The following LARGE1 variants were observed in gnomAD, a reference collection of about 807,000 sequenced individuals.
LARGE1 encodes the protein xylosyl- and glucuronyltransferase LARGE1.
A neutral mutation model predicts 87.6 loss-of-function variants in LARGE1; 43 were observed. The ratio of observed to expected loss-of-function variants is 0.49; its 90% CI spans 0.38 to 0.63. The LOEUF is 0.63. Ranked by LOEUF, LARGE1 falls within the 30% of genes least tolerant of loss-of-function variation. LARGE1 has a pLI of 0.00. For missense variants in LARGE1, 802 were observed against 1,000.2 expected (o/e 0.80, Z 2.67); for synonymous variants, 434 against 394.6 (o/e 1.10, Z -1.18).
chr22:33,862,429 T>C (rs757633887), intron 1 of LARGE1, among the ~76,000 whole-genome samples: 7 of 152,180 alleles, frequency 4.6e-5, no homozygotes, highest in Non-Finnish European at 7.3e-5. Context: ...GGGAAGAGGA[T>C]TGACGGCAGT....
At chr22:33,228,223 A>T (rs920354890) in intron 11 of LARGE1, among the ~76,000 whole-genome samples, 2 of 152,276 alleles carry the variant, frequency 1.3e-5, no homozygotes, top group Admixed American at 6.5e-5. Flanking sequence ...TAAGAGCTCA[A>T]TGAATGTTCT....
intron 11 of LARGE1, among the ~76,000 whole-genome samples, chr22:33,169,722 G>A (rs540647620): frequency 3.3e-5 from 5 of 152,010 alleles, no homozygotes; most frequent in East Asian, 3.9e-4. Context: ...GTGGTGGCAC[G>A]TGCCTGTAGT....
chr22:33,515,602 A>G (rs2071267289), intron 6 of LARGE1, among the ~76,000 whole-genome samples: 1 of 152,190 alleles, frequency 6.6e-6, no homozygotes, highest in South Asian at 2.1e-4. Flanking sequence ...CATCAACAAC[A>G]CATTCAACGA....
intron 1 of LARGE1, among the ~76,000 whole-genome samples, chr22:33,910,620 C>T (rs570933278): frequency 5.7e-4 from 87 of 152,272 alleles, no homozygotes; most frequent in African/African-American, 1.9e-3. Context: ...CTCTGTGTTC[C>T]GCTGTCAAGC....
chr22:33,276,999 G>T, intron 14 of LARGE1, 61 bp downstream of exon 14: 1 of 1,501,934 alleles, frequency 6.7e-7, no homozygotes, highest in South Asian at 1.1e-5. Context: ...GATCCCTTAA[G>T]CTCTAGGATC....
chr22:33,378,281 T>A (rs1383255429), intron 9 of LARGE1, among the ~76,000 whole-genome samples: 2 of 152,210 alleles, frequency 1.3e-5, no homozygotes, highest in Admixed American at 6.5e-5. Context: ...AATATGGGCA[T>A]AGGCTTAAAA....
the LARGE1 span, among the ~76,000 whole-genome samples, chr22:33,135,644 A>G: frequency 1.3e-5 from 2 of 152,144 alleles, no homozygotes; most frequent in South Asian, 4.1e-4. Context: ...GTTTGAGACC[A>G]GCCTGGCCAA....
intron 11 of LARGE1, among the ~76,000 whole-genome samples, chr22:33,211,129 C>A (rs996871888): frequency 6.6e-6 from 1 of 151,940 alleles, no homozygotes; most frequent in African/African-American, 2.4e-5. Context: ...CAGTGATCTG[C>A]GATTTGTGAT....
At chr22:33,150,958 G>T in the LARGE1 span, among the ~76,000 whole-genome samples, 1 of 151,720 alleles carries the variant, frequency 6.6e-6, no homozygotes, top group African/African-American at 2.4e-5. Context: ...ATAAATTTCC[G>T]AATCAGCTTA....
chr22:33,364,525 C>T (rs2064514852), intron 9 of LARGE1, among the ~76,000 whole-genome samples: 1 of 152,172 alleles, frequency 6.6e-6, no homozygotes, highest in Non-Finnish European at 1.5e-5. Context: ...CAGAGGTCAA[C>T]CACTGTCTGA....
chr22:33,315,389 G>A (rs1395583919), intron 11 of LARGE1, among the ~76,000 whole-genome samples: 3 of 152,190 alleles, frequency 2.0e-5, no homozygotes, highest in Non-Finnish European at 4.4e-5. Flanking sequence ...GCCTGGAAAT[G>A]CTTGATGGAT....
intron 2 of LARGE1, among the ~76,000 whole-genome samples, chr22:33,686,339 G>A (rs2081942126): frequency 1.3e-5 from 2 of 151,826 alleles, no homozygotes; most frequent in African/African-American, 4.8e-5. Flanking sequence ...CCAGGGGTTC[G>A]AGACCAGACT....
chr22:33,283,870 A>G (rs941041113), intron 12 of LARGE1, among the ~76,000 whole-genome samples: 4 of 151,984 alleles, frequency 2.6e-5, no homozygotes, highest in African/African-American at 9.7e-5. Context: ...AGAAAGAAAA[A>G]AGAAGGAAAA....
chr22:33,828,264 G>C (rs2062857008), intron 1 of LARGE1, among the ~76,000 whole-genome samples: 1 of 152,198 alleles, frequency 6.6e-6, no homozygotes, highest in Admixed American at 6.5e-5. Flanking sequence ...GCCTTTGAAG[G>C]GCAGGAAGAG....
intron 2 of LARGE1, among the ~76,000 whole-genome samples, chr22:33,653,549 C>T (rs1474109695): frequency 1.3e-5 from 2 of 152,130 alleles, no homozygotes; most frequent in Non-Finnish European, 2.9e-5. Context: ...TACATCAGTG[C>T]TCTGAGCTTC....
intron 1 of LARGE1, among the ~76,000 whole-genome samples, chr22:33,913,394 G>A (rs1023270858): frequency 6.6e-6 from 1 of 152,224 alleles, no homozygotes. Context: ...CCAAAAGTAA[G>A]TAAGTGATGT....
intron 1 of LARGE1, among the ~76,000 whole-genome samples, chr22:33,875,629 C>A (rs1380851405): frequency 6.6e-6 from 1 of 152,222 alleles, no homozygotes; most frequent in Non-Finnish European, 1.5e-5. Context: ...TGTCCCATGC[C>A]GCAAAGCAGG....
At chr22:33,235,177 G>A (rs1452377198) in intron 11 of LARGE1, among the ~76,000 whole-genome samples, 1 of 152,208 alleles carries the variant, frequency 6.6e-6, no homozygotes, top group Non-Finnish European at 1.5e-5. Flanking sequence ...CAATAGTGCA[G>A]TAAGCAAGAG....
chr22:33,817,884 T>C (rs778159312), intron 1 of LARGE1, among the ~76,000 whole-genome samples: 6 of 150,506 alleles, frequency 4.0e-5, no homozygotes, highest in Non-Finnish European at 7.4e-5. Flanking sequence ...CCACTCATGA[T>C]AGATGGAGAA....
Sources: gnomAD v4.1 joint callset for allele counts (sites outside exome capture counted in the v4.1 genomes callset) on GRCh38, gnomAD v4.1.1 for gene constraint, MANE v1.5 for transcripts, NCBI Gene and HGNC (gene_info 2026-07-23, HGNC 2026-07-21) for gene names.